Variants in SLC3A2 observed in about 807,000 individuals in gnomAD.
The protein encoded by SLC3A2 is amino acid transporter heavy chain SLC3A2.
In SLC3A2, 32 loss-of-function variants were observed where a neutral mutation model predicts 48.5. The observed-to-expected ratio is 0.66, with a 90% CI of 0.50 to 0.89. The LOEUF is 0.89. Ranked by LOEUF, SLC3A2 falls within the 40% of genes least tolerant of loss-of-function variation. The pLI is 0.00. For missense variants in SLC3A2, 587 were observed against 680.7 expected (o/e 0.86, Z 1.53); for synonymous variants, 277 against 288.8 (o/e 0.96, Z 0.41).
intron 1 of SLC3A2, among the ~76,000 whole-genome samples, chr11:62,863,288 C>T (rs770779490): frequency 1.3e-5 from 2 of 152,138 alleles, no homozygotes; most frequent in Non-Finnish European, 2.9e-5. Flanking sequence ...TGTGTGATCA[C>T]GGCTCACTGC....
chr11:62,869,699 G>C (rs897578889), intron 1 of SLC3A2, among the ~76,000 whole-genome samples: 7 of 150,648 alleles, frequency 4.6e-5, no homozygotes, highest in Non-Finnish European at 8.9e-5. Context: ...TTTTCAGTTT[G>C]TTATGGCAAA....
At chr11:62,884,346 C>CT in intron 3 of SLC3A2, 111 bp from the exon 4 acceptor site, 3 of 1,184,038 alleles carry the variant, frequency 2.5e-6, no homozygotes, top group East Asian at 4.7e-5. Flanking sequence ...GCACAGGACT[C>CT]TCCCCAGCTC....
upstream of SLC3A2, among the ~76,000 whole-genome samples, chr11:62,878,074 G>A (rs181723568): frequency 6.6e-6 from 1 of 151,736 alleles, no homozygotes; most frequent in Non-Finnish European, 1.5e-5. Flanking sequence ...AAGAAGAATC[G>A]CTTGAACCTG....
In SLC3A2 at chr11:62,888,561, C is replaced by T; in HGVS notation, c.1458C>T (p.Ala486=). 6.2e-7 allele frequency: 1 copy of T among 1,614,040 alleles called. No homozygotes were observed. Among genetic ancestry groups the T allele is most frequent in the Non-Finnish European group, 8.5e-7 (1 of 1,180,026 alleles). ...GLQASDLPAS[A]SLPAKADLLL... ...AGGCCTCCGACCTGCCTGCCAGCGC[C>T]AGCCTGCCAGCCAAGGCTGACCTCC... The change falls in exon 9 of 9, where the codon GCC becomes GCT. Residue 486 remains alanine (A), a synonymous_variant. Coordinates refer to ENST00000338663, the MANE Select transcript of SLC3A2 (RefSeq NM_001013251.3).
chr11:62,858,716 G>A (rs2085365066), intron 1 of SLC3A2, among the ~76,000 whole-genome samples: 1 of 152,216 alleles, frequency 6.6e-6, no homozygotes, highest in South Asian at 2.1e-4. Context: ...GTTTCTCGAA[G>A]AGGGGGTTGT....
At chr11:62,886,320 A>G (rs2085713429) in intron 7 of SLC3A2, 1 of 151,806 alleles carries the variant, frequency 6.6e-6, no homozygotes. Flanking sequence ...AGAAAGAAAG[A>G]AATACATGGT....
intron 1 of SLC3A2, among the ~76,000 whole-genome samples, chr11:62,866,836 A>G (rs1317271668): frequency 6.6e-6 from 1 of 152,208 alleles, no homozygotes; most frequent in Non-Finnish European, 1.5e-5. Context: ...CATCCTTTTT[A>G]CAAGTCAATA....
rs372481736 is a variant in SLC3A2, at chr11:62,885,185, T to C, written c.827T>C (p.Ile276Thr). ...CTCCCTCCCCTCTGCAGGCTCTTGA[T>C]TGCGGGGACTAACTCCTCCGACCTT... ...TKGFSEDRLL[I>T]AGTNSSDLQQ... The change falls in exon 6 of 9, where the codon ATT becomes ACT. Residue 276 changes from isoleucine to threonine, a missense_variant. Physicochemically the swap from Ile to Thr is moderately conservative, Grantham distance 89. Transcript: ENST00000338663. The C allele has an allele frequency of 1.7e-5, 28 of 1,613,926 alleles. No individual in the cohort carries two copies. Among genetic ancestry groups the C allele is most frequent in the Non-Finnish European group, 2.0e-5 (24 of 1,180,018 alleles).
chr11:62,866,782 T>C (rs1329362105), intron 1 of SLC3A2, among the ~76,000 whole-genome samples: 1 of 152,202 alleles, frequency 6.6e-6, no homozygotes, highest in Non-Finnish European at 1.5e-5. Context: ...CTTTATCAGA[T>C]AGATTTTTGG....
chr11:62,881,080 C>T lies in SLC3A2; in HGVS notation c.57C>T (p.Pro19=). 2 of 1,608,256 alleles carry T rather than the reference C, an allele frequency of 1.2e-6. No homozygotes were observed. Among genetic ancestry groups the T allele is most frequent in the Non-Finnish European group, 1.7e-6 (2 of 1,177,312 alleles). ...AGGTGGAGCTGAATGAGTTAGAGCCCGAGAAGCAGCCGATGAACGCGGCGT... is the reference window on the plus strand; with the variant it reads ...AGGTGGAGCTGAATGAGTTAGAGCCTGAGAAGCAGCCGATGAACGCGGCGT... ...MKEVELNELE[P]EKQPMNAASG... Residue 19 remains proline (P), a synonymous_variant, in exon 1 of 9, where the codon CCC becomes CCT. Transcript: ENST00000338663. This position sits in a 1 kb window ranked among gnomAD's most constrained non-coding sequence, Gnocchi z 4.0.
chr11:62,870,877 A>C (rs2085508595), intron 1 of SLC3A2: 1 of 185,326 alleles, frequency 5.4e-6, no homozygotes, highest in Non-Finnish European at 1.0e-5. Flanking sequence ...TATTATTATT[A>C]TTATTATTAT....
intron 1 of SLC3A2, among the ~76,000 whole-genome samples, chr11:62,857,306 G>T (rs943785587): frequency 6.6e-6 from 1 of 151,780 alleles, no homozygotes; most frequent in Non-Finnish European, 1.5e-5. Flanking sequence ...TGTGTTTTTC[G>T]GAGAGACGGG....
Position 62,881,796 on chromosome 11 carries a change from C to T in SLC3A2, c.425-97C>T, listed in dbSNP as rs767616332. The stretch of plus-strand genomic sequence containing the variant: ...TGCCTCCCTCTCTCCCCCTTTGCCC[C>T]CTCCCCGTCCCACCCTTAGGCGCTG... On this transcript the variant is annotated intron_variant, in intron 1 of 8. Coordinates refer to ENST00000338663, the MANE Select transcript of SLC3A2 (RefSeq NM_001013251.3). This position sits in a 1 kb window ranked among gnomAD's most constrained non-coding sequence, Gnocchi z 4.0. 9.1e-6 allele frequency: 13 copies of T among 1,422,384 alleles called. No homozygotes were observed. The highest frequency in any genetic ancestry group is 1.3e-5 in the Non-Finnish European group (13 of 1,039,212). The allele number at this position is 1,422,384 out of a possible 1,614,324, so 88.1% of individuals were successfully genotyped here.
chr11:62,874,538 C>A (rs1049122364), intron 1 of SLC3A2, among the ~76,000 whole-genome samples: 1 of 152,000 alleles, frequency 6.6e-6, no homozygotes, highest in Admixed American at 6.6e-5. Context: ...GGCTTTTATC[C>A]CCACTTTGCA....
chr11:62,870,019 G>T (rs141282243), intron 1 of SLC3A2, among the ~76,000 whole-genome samples: 1 of 151,570 alleles, frequency 6.6e-6, no homozygotes, highest in East Asian at 1.9e-4. Flanking sequence ...GGCTTGTCTC[G>T]AACTCCTGAC....
intron 1 of SLC3A2, among the ~76,000 whole-genome samples, chr11:62,865,716 C>T (rs1254950303): frequency 2.0e-5 from 3 of 151,912 alleles, no homozygotes; most frequent in South Asian, 2.1e-4. Context: ...TTTGGCTATC[C>T]GCATATTTTT....
rs768133739 is a variant in SLC3A2 at position 62,856,322 on chromosome 11, A to G, written c.53A>G (p.Gln18Arg). Reference sequence around the variant, plus strand: ...ATCGCCGTCGTGTCGATTCCGCGCCAGTTGCCTGGCTCACATTCGGAGGCT... The same window carrying G: ...ATCGCCGTCGTGTCGATTCCGCGCCGGTTGCCTGGCTCACATTCGGAGGCT... Residue 18 changes from glutamine to arginine, a missense_variant, in exon 1 of 10, where the codon CAG becomes CGG. Physicochemically the swap from Gln to Arg is conservative, Grantham distance 43 (BLOSUM62 1). Coordinates refer to the SLC3A2 transcript ENST00000377889. 25 of 1,613,474 alleles carry G rather than the reference A, an allele frequency of 1.5e-5. No homozygotes were observed. Among genetic ancestry groups the G allele is most frequent in the Non-Finnish European group, 2.0e-5 (24 of 1,179,518 alleles).
chr11:62,881,289 G>A lies in SLC3A2; in HGVS notation c.266G>A (p.Trp89Ter), dbSNP rs1262419731. ...CGCTGGGCACTGCTGCTGCTCTTCT[G>A]GCTCGGCTGGCTCGGCATGCTTGCT... ...RTRWALLLLF[W>*]LGWLGMLAGA... Residue 89 changes from tryptophan (W) to a stop codon, truncating the protein, a stop_gained, in exon 1 of 9, where the codon TGG (tryptophan) becomes TAG (stop). Coordinates refer to ENST00000338663, the MANE Select transcript of SLC3A2 (RefSeq NM_001013251.3). LOFTEE classifies it high-confidence loss of function. This position sits in a 1 kb window ranked among gnomAD's most constrained non-coding sequence, Gnocchi z 4.0. The A allele has an allele frequency of 6.3e-7, 1 of 1,575,008 alleles. No homozygotes were observed. Among genetic ancestry groups the A allele is most frequent in the Non-Finnish European group, 8.6e-7 (1 of 1,163,596 alleles).
At chr11:62,880,794 T>G (rs1435182684), upstream of SLC3A2, 13 of 830,832 alleles carry the variant, frequency 1.6e-5, no homozygotes, top group Non-Finnish European at 2.3e-5. Context: ...TTTACTACCC[T>G]GAGCCGCCCA....
Sources: gnomAD v4.1 joint callset for allele counts (sites outside exome capture counted in the v4.1 genomes callset) on GRCh38, gnomAD v4.1.1 for gene constraint, Gnocchi (gnomAD v3.1) non-coding constraint, MANE v1.5 for transcripts, NCBI Gene and HGNC (gene_info 2026-07-23, HGNC 2026-07-21) for gene names.